Variants in TM4SF20 observed in about 807,000 individuals in gnomAD.
TM4SF20 encodes transmembrane 4 L6 family member 20.
Under a neutral mutation model 15.1 loss-of-function variants are expected in TM4SF20, and 13 were observed. The ratio of observed to expected loss-of-function variants is 0.86; its 90% CI spans 0.56 to 1.36. TM4SF20 has a LOEUF of 1.36. Ranked by LOEUF, TM4SF20 falls within the 40% of genes most tolerant of loss-of-function variation. The pLI, the probability that TM4SF20 is intolerant of heterozygous loss-of-function variation, is 0.00. For missense variants in TM4SF20, 282 were observed against 268.4 expected, an observed-to-expected ratio of 1.05 and a Z score of -0.35; for synonymous variants, 92 against 96.6, an observed-to-expected ratio of 0.95 and a Z score of 0.28.
chr2:227,380,453 C>T (rs2106498500), upstream of TM4SF20, among the ~76,000 whole-genome samples: 1 of 152,256 alleles, frequency 6.6e-6, no homozygotes, highest in Admixed American at 6.5e-5. Context: ...GAGGCAGCTT[C>T]TTGATCCAGG....
In TM4SF20 at chr2:227,363,626, G is replaced by T; in HGVS notation, c.*98C>A. On this transcript the variant is annotated 3_prime_UTR_variant, in exon 4 of 4. Coordinates refer to ENST00000304568, the MANE Select transcript of TM4SF20 (RefSeq NM_024795.4). ...ATTTACAACGTGCTTTCTACGTGAA[G>T]GGTTGATTTTTTAAATCATCTCAAA... is the stretch of plus-strand genomic sequence containing the variant. The T allele has an allele frequency of 7.9e-7, 1 of 1,270,744 alleles. No individual in the cohort carries two copies. Among genetic ancestry groups the T allele is most frequent in the Non-Finnish European group, 1.1e-6 (1 of 920,428 alleles). The allele number at this position is 1,270,744 out of a possible 1,614,324, so 78.7% of individuals were successfully genotyped here. A position where few individuals can be genotyped will look rare whatever the true frequency, so the allele number is the denominator to read the frequency against.
At chr2:227,374,088 T>A (rs1409311962) in intron 1 of TM4SF20, among the ~76,000 whole-genome samples, 47 of 85,258 alleles carry the variant, frequency 5.5e-4, no homozygotes, top group Admixed American at 8.7e-4. Context: ...AGACCCTGTC[T>A]AAAAAAAAAA....
intron 1 of TM4SF20, among the ~76,000 whole-genome samples, chr2:227,374,088 T>TAAAAAAAA (rs79866106): frequency 1.2e-5 from 1 of 85,308 alleles, no homozygotes; most frequent in African/African-American, 4.6e-5. Context: ...AGACCCTGTC[T>TAAAAAAAA]AAAAAAAAAA....
rs200812238 is a variant in TM4SF20, at chr2:227,379,244, A to C, written c.25T>G (p.Ser9Ala). The C allele has an allele frequency of 3.4e-5, 55 of 1,614,174 alleles. No individual in the cohort carries two copies. The East Asian group carries it at 1.1e-3, about 33-fold the overall frequency. Reference sequence around the variant, plus strand: ...ACCAGCAGGCTGAATCCATTGCAGGATGTCCATCCTTCGCAGCAGGTCATG... The same window carrying C: ...ACCAGCAGGCTGAATCCATTGCAGGCTGTCCATCCTTCGCAGCAGGTCATG... MTCCEGWT[S>A]CNGFSLLVLL... is the part of the protein sequence containing the mutation. The change falls in exon 1 of 4, where the codon TCC (serine) becomes GCC (alanine). Residue 9 changes from serine to alanine, a missense_variant. Transcript: ENST00000304568.
chr2:227,375,403 A>T (rs905024964), intron 1 of TM4SF20, among the ~76,000 whole-genome samples: 1 of 152,146 alleles, frequency 6.6e-6, no homozygotes, highest in Admixed American at 6.5e-5. Context: ...AAAAACAATG[A>T]CCAAAAAAAA....
In TM4SF20 at chr2:227,379,148, A is replaced by G; in HGVS notation, c.121T>C (p.Ser41Pro). 3 of 1,614,238 alleles carry G rather than the reference A, an allele frequency of 1.9e-6. No individual in the cohort carries two copies. Among genetic ancestry groups the G allele is most frequent in the Non-Finnish European group, 2.5e-6 (3 of 1,180,042 alleles). Residue 41 changes from serine to proline, a missense_variant, in exon 1 of 4, where the codon TCT (serine) becomes CCT (proline). Physicochemically the swap from Ser to Pro is moderately conservative, Grantham distance 74 (BLOSUM62 -1). Coordinates refer to ENST00000304568, the MANE Select transcript of TM4SF20 (RefSeq NM_024795.4). The part of the protein sequence containing the change: ...IVSLVEEDQF[S>P]QNPISCFEWW... Reference sequence around the variant, plus strand: ...TCAAAGCAAGAGATGGGGTTTTGAGAAAATTGGTCTTCCTCAACTAAGCTG... The same window carrying G: ...TCAAAGCAAGAGATGGGGTTTTGAGGAAATTGGTCTTCCTCAACTAAGCTG...
At chr2:227,364,804 G>T (rs1445698263) in intron 3 of TM4SF20, among the ~76,000 whole-genome samples, 1 of 152,220 alleles carries the variant, frequency 6.6e-6, no homozygotes, top group African/African-American at 2.4e-5. Context: ...GCGTAGCCTG[G>T]TGCCTGGTAC....
chr2:227,364,479 A>G (rs2076381161), intron 3 of TM4SF20, among the ~76,000 whole-genome samples: 1 of 151,484 alleles, frequency 6.6e-6, no homozygotes, highest in South Asian at 2.1e-4. Flanking sequence ...TACTGATTAA[A>G]TATGTCTGAT....
chr2:227,370,774 A>T, intron 2 of TM4SF20, 141 bp downstream of exon 2: 2 of 713,082 alleles, frequency 2.8e-6, no homozygotes, highest in South Asian at 1.6e-5. Flanking sequence ...AATAAATAAA[A>T]ATAGCATGTT....
intron 2 of TM4SF20, among the ~76,000 whole-genome samples, chr2:227,366,929 G>A (rs546013315): frequency 5.9e-5 from 9 of 151,766 alleles, no homozygotes; most frequent in Admixed American, 1.3e-4. Context: ...CTCTTGGCTC[G>A]CAAGCGTTTG....
chr2:227,381,211 T>C (rs2076478481), upstream of TM4SF20, among the ~76,000 whole-genome samples: 1 of 151,942 alleles, frequency 6.6e-6, no homozygotes, highest in African/African-American at 2.4e-5. Context: ...CAGAAGGCAG[T>C]AGTTGCAGTG....
At chr2:227,377,299 G>C (rs1291500840) in intron 1 of TM4SF20, among the ~76,000 whole-genome samples, 1 of 152,182 alleles carries the variant, frequency 6.6e-6, no homozygotes, top group African/African-American at 2.4e-5. Flanking sequence ...TGCAAAAGAG[G>C]CTTCTACTAC....
At chr2:227,376,344 G>C (rs534410655) in intron 1 of TM4SF20, among the ~76,000 whole-genome samples, 1 of 147,126 alleles carries the variant, frequency 6.8e-6, no homozygotes, top group Admixed American at 6.8e-5. Context: ...GTATTTTCAT[G>C]GATATTATAA....
intron 1 of TM4SF20, among the ~76,000 whole-genome samples, chr2:227,372,968 G>A (rs553802230): frequency 3.9e-5 from 6 of 152,046 alleles, no homozygotes; most frequent in Admixed American, 1.3e-4. Context: ...TGATCGCCTC[G>A]GCCTCCTAAA....
At position 227,379,162 on chromosome 2, in the gene TM4SF20, T is replaced by C. The variant is rs1238522351; in HGVS notation, c.107A>G (p.Glu36Gly). ...GGGGTTTTGAGAAAATTGGTCTTCC[T>C]CAACTAAGCTGACAATTAGAGGTAT... is the stretch of plus-strand genomic sequence containing the variant. ...NAIPLIVSLV[E>G]EDQFSQNPIS... Residue 36 changes from glutamate (E) to glycine (G), a missense_variant, in exon 1 of 4, where the codon GAG (glutamate) becomes GGG (glycine). Transcript: ENST00000304568. 6.2e-7 allele frequency: 1 copy of C among 1,614,206 alleles called. No homozygotes were observed. The highest frequency in any genetic ancestry group is 8.5e-7 in the Non-Finnish European group (1 of 1,180,036).
chr2:227,364,778 C>T (rs546738593), intron 3 of TM4SF20, among the ~76,000 whole-genome samples: 6 of 152,314 alleles, frequency 3.9e-5, no homozygotes, highest in Non-Finnish European at 7.3e-5. Flanking sequence ...AATATCTGAG[C>T]GCTGTTGTCT....
intron 2 of TM4SF20, among the ~76,000 whole-genome samples, chr2:227,366,977 A>C (rs1445832205): frequency 1.3e-5 from 2 of 152,126 alleles, no homozygotes; most frequent in African/African-American, 4.8e-5. Context: ...CTGATGCTTT[A>C]AGTGGCCAGT....
intron 1 of TM4SF20, among the ~76,000 whole-genome samples, chr2:227,375,920 C>T (rs1049658835): frequency 1.3e-5 from 2 of 152,044 alleles, no homozygotes; most frequent in Non-Finnish European, 2.9e-5. Context: ...ATAAAATGGC[C>T]TTTCTGTTTA....
chr2:227,362,859 C>T lies in TM4SF20; in HGVS notation c.*865G>A, dbSNP rs767040561. Reference sequence around the variant, plus strand: ...AGACCTACCAAAATTAACAATAATCCGATTCTTCTACATACTCCTCCCAAT... The same window carrying T: ...AGACCTACCAAAATTAACAATAATCTGATTCTTCTACATACTCCTCCCAAT... On this transcript the variant is annotated 3_prime_UTR_variant, in exon 4 of 4. Coordinates refer to ENST00000304568, the MANE Select transcript of TM4SF20 (RefSeq NM_024795.4). 1.3e-5 allele frequency: 2 copies of T among 152,088 alleles called. No homozygotes were observed. The highest frequency in any genetic ancestry group is 2.9e-5 in the Non-Finnish European group (2 of 68,016). 9.4% of individuals were successfully genotyped at this position (152,088 alleles called of 1,614,324 possible).
Sources: allele counts gnomAD v4.1 joint callset (sites outside exome capture counted in the v4.1 genomes callset), GRCh38; gene constraint gnomAD v4.1.1; transcripts MANE v1.5; gene names NCBI Gene and HGNC (gene_info 2026-07-23, HGNC 2026-07-21).